The following GRIP1 variants were observed in gnomAD, a reference collection of about 807,000 sequenced individuals.
GRIP1 encodes the protein glutamate receptor interacting protein 1, also known as glutamate receptor-interacting protein 1.
In GRIP1, 45 loss-of-function variants were observed where a neutral mutation model predicts 129.9. The observed-to-expected ratio is 0.35, with a 90% confidence interval of 0.27 to 0.44. The LOEUF (loss-of-function observed/expected upper bound fraction) is 0.44. GRIP1 is among the 20% of genes least tolerant of loss of function. The pLI, the probability that GRIP1 is intolerant of heterozygous loss-of-function variation, is 1.00. For synonymous variants in GRIP1, 530 were observed against 520.8 expected (o/e 1.02, Z -0.24); for missense variants, 1,196 against 1,396.8 (o/e 0.86, Z 2.29).
intron 1 of GRIP1, among the ~76,000 whole-genome samples, chr12:67,022,957 T>C (rs143255754): frequency 0.013 from 2,004 of 152,306 alleles, 45 homozygotes; most frequent in African/African-American, 0.046. Context: ...CCATATATAT[T>C]CTTTGCTTAA....
intron 1 of GRIP1, among the ~76,000 whole-genome samples, chr12:66,656,561 A>G (rs1005917438): frequency 2.6e-5 from 4 of 152,098 alleles, no homozygotes; most frequent in Non-Finnish European, 4.4e-5. Context: ...TGTTTTTCTT[A>G]TGGTACGGCA....
At chr12:66,617,080 A>G (rs1333749288) in intron 1 of GRIP1, among the ~76,000 whole-genome samples, 1 of 82,358 alleles carries the variant, frequency 1.2e-5, no homozygotes, top group Non-Finnish European at 2.8e-5. Context: ...CAAGCAACAG[A>G]CGTTTTGTGT....
chr12:66,504,217 T>C (rs2060467302), intron 7 of GRIP1, among the ~76,000 whole-genome samples: 1 of 152,112 alleles, frequency 6.6e-6, no homozygotes, highest in African/African-American at 2.4e-5. Context: ...ATACAAAGTC[T>C]CTCTTTTTAG....
intron 1 of GRIP1, among the ~76,000 whole-genome samples, chr12:66,847,297 C>A (rs1329160173): frequency 6.6e-6 from 1 of 152,130 alleles, no homozygotes. Flanking sequence ...GGGCTACAAA[C>A]CCCTGAATGA....
At chr12:66,428,715 C>T (rs1054404635) in intron 14 of GRIP1, among the ~76,000 whole-genome samples, 10 of 152,200 alleles carry the variant, frequency 6.6e-5, no homozygotes, top group Non-Finnish European at 5.9e-5. Flanking sequence ...ATAGATGTCA[C>T]AGAGCTACTT....
chr12:66,403,906 G>C (rs1228261483), intron 16 of GRIP1, among the ~76,000 whole-genome samples: 5 of 152,182 alleles, frequency 3.3e-5, no homozygotes, highest in Admixed American at 3.3e-4. Flanking sequence ...TGCATTGCCA[G>C]CTGTGCACAC....
chr12:66,471,352 G>C (rs1185044653), intron 7 of GRIP1, among the ~76,000 whole-genome samples: 2 of 152,172 alleles, frequency 1.3e-5, no homozygotes, highest in South Asian at 2.1e-4. Flanking sequence ...GGTACAGAAA[G>C]TAGAAGTACA....
intron 23 of GRIP1, among the ~76,000 whole-genome samples, chr12:66,371,161 T>TC (rs1321765089): frequency 6.7e-6 from 1 of 149,806 alleles, no homozygotes; most frequent in East Asian, 2.0e-4. Context: ...ATAAATAATT[T>TC]TTTTTTTTTT....
chr12:66,617,085 T>TTTTG (rs1555217385), intron 1 of GRIP1, among the ~76,000 whole-genome samples: 1 of 135,450 alleles, frequency 7.4e-6, no homozygotes, highest in African/African-American at 2.9e-5. Context: ...AACAGACGTT[T>TTTTG]TGTGTGTGTG....
chr12:67,066,888 T>TATATATATATATATATATA (rs2043635570), intron 1 of GRIP1, among the ~76,000 whole-genome samples: 1 of 125,644 alleles, frequency 8.0e-6, no homozygotes, highest in Non-Finnish European at 1.6e-5. Flanking sequence ...AAATATATAT[T>TATATATATATATATATATA]TATATATATA....
chr12:66,470,541 A>G (rs931077491), intron 7 of GRIP1, among the ~76,000 whole-genome samples: 4 of 152,116 alleles, frequency 2.6e-5, no homozygotes, highest in African/African-American at 9.7e-5. Flanking sequence ...ACTTTAATAG[A>G]ACCCTATGTG....
intron 1 of GRIP1, among the ~76,000 whole-genome samples, chr12:66,790,868 A>G (rs2038510215): frequency 6.6e-6 from 1 of 152,072 alleles, no homozygotes; most frequent in South Asian, 2.1e-4. Context: ...TAGAAGGGCC[A>G]GTGCTGAACC....
intron 1 of GRIP1, among the ~76,000 whole-genome samples, chr12:66,966,237 C>T (rs922038561): frequency 1.1e-4 from 16 of 151,954 alleles, no homozygotes; most frequent in Non-Finnish European, 2.1e-4. Context: ...AAAAATGGTT[C>T]GGCTAATAAT....
intron 1 of GRIP1, among the ~76,000 whole-genome samples, chr12:66,742,538 T>C (rs756170450): frequency 9.9e-5 from 15 of 152,078 alleles, no homozygotes; most frequent in African/African-American, 2.7e-4. Context: ...GAAAGGTTAA[T>C]TGGAAAGGAA....
chr12:66,354,520 G>A (rs902746321), intron 23 of GRIP1, among the ~76,000 whole-genome samples: 6 of 152,260 alleles, frequency 3.9e-5, no homozygotes, highest in Admixed American at 2.6e-4. Flanking sequence ...CACACTCAGC[G>A]CTTGATGCTC....
chr12:66,400,984 G>A (rs1378590928), intron 16 of GRIP1, among the ~76,000 whole-genome samples: 3 of 152,132 alleles, frequency 2.0e-5, no homozygotes, highest in Non-Finnish European at 4.4e-5. Flanking sequence ...TGGGGATTGG[G>A]TAGCAGCCTC....
At chr12:66,471,098 T>C (rs2059427241) in intron 7 of GRIP1, among the ~76,000 whole-genome samples, 1 of 152,130 alleles carries the variant, frequency 6.6e-6, no homozygotes, top group Non-Finnish European at 1.5e-5. Context: ...GTGTAGACCA[T>C]ATAGGTCATG....
chr12:66,428,141 G>A lies in GRIP1; in HGVS notation c.1768+4407C>T, dbSNP rs1397154914. ...TGCTGGGCAAGTGGACCCAAGTTTG[G>A]TTTGGTAACATTTTGACCTCAGAAA... On this transcript the variant is annotated intron_variant, in intron 14 of 24. Transcript: ENST00000359742. Among the ~76,000 whole-genome samples, 3 of 152,178 alleles carry A rather than the reference G, an allele frequency of 2.0e-5. No individual in the cohort carries two copies. The East Asian group carries it at 5.8e-4, about 29-fold the overall frequency.
intron 1 of GRIP1, among the ~76,000 whole-genome samples, chr12:66,789,344 C>G (rs1310087153): frequency 1.3e-5 from 2 of 152,090 alleles, no homozygotes; most frequent in Non-Finnish European, 2.9e-5. Flanking sequence ...GGAGGAATGC[C>G]AGTATTCACT....
Sources: allele counts gnomAD v4.1 joint callset (sites outside exome capture counted in the v4.1 genomes callset), GRCh38; gene constraint gnomAD v4.1.1; transcripts MANE v1.5; gene names NCBI Gene and HGNC (gene_info 2026-07-23, HGNC 2026-07-21).